The following RFX2 variants were observed in gnomAD, a reference collection of about 807,000 sequenced individuals.
RFX2 encodes regulatory factor X2.
RFX2 carries 20 observed loss-of-function variants against 87.8 expected under a neutral mutation model. That is an observed-to-expected ratio of 0.23 (90% CI 0.16 to 0.33). The LOEUF (loss-of-function observed/expected upper bound fraction) is 0.33. Among genes scored for constraint, RFX2 ranks in the 10% least tolerant of loss-of-function variants. The pLI, the probability that RFX2 is intolerant of heterozygous loss-of-function variation, is 1.00. For synonymous variants in RFX2, 397 were observed against 431.3 expected, an observed-to-expected ratio of 0.92 and a Z score of 0.98; for missense variants, 767 against 1,012.3, an observed-to-expected ratio of 0.76 and a Z score of 3.29.
At chr19:6,100,131 A>T (rs1289333431) in intron 1 of RFX2, among the ~76,000 whole-genome samples, 1 of 152,206 alleles carries the variant, frequency 6.6e-6, no homozygotes, top group Non-Finnish European at 1.5e-5. Flanking sequence ...GAAGAGTAGG[A>T]TTTTCTTCAG....
In RFX2 at chr19:6,044,130, G is replaced by T; in HGVS notation, c.180+63C>A. The T allele has an allele frequency of 1.1e-6, 1 of 940,814 alleles. No homozygotes were observed. The highest frequency in any genetic ancestry group is 1.5e-6 in the Non-Finnish European group (1 of 688,474). 58.3% of individuals were successfully genotyped at this position (940,814 alleles called of 1,614,324 possible). A position where few individuals can be genotyped will look rare whatever the true frequency, so the allele number is the denominator to read the frequency against. ...GAAAAGGATGCATCCTTCAGAGATT[G>T]TTCTGGATTGCTGAGTGCTAACTGC... is the stretch of plus-strand genomic sequence containing the variant. On this transcript the variant is annotated intron_variant, in intron 3 of 17. Coordinates refer to ENST00000303657, the MANE Select transcript of RFX2 (RefSeq NM_000635.4). The surrounding 1 kb of genome is among the most constrained non-coding windows in gnomAD (Gnocchi z 5.3).
At position 6,024,940 on chromosome 19, in the gene RFX2, G is replaced by A. The variant is rs1196166215; in HGVS notation, c.597+1223C>T. On this transcript the variant is annotated intron_variant, in intron 6 of 17. Transcript: ENST00000303657. The surrounding 1 kb of genome is among the most constrained non-coding windows in gnomAD (Gnocchi z 5.0). ...TCACGGTGAGGACGGGAGTCAGGACGGGATCACGGTGAGGACGGGAGTCAG... is the reference window on the plus strand; with the variant it reads ...TCACGGTGAGGACGGGAGTCAGGACAGGATCACGGTGAGGACGGGAGTCAG... Among the ~76,000 whole-genome samples, 1 of 151,748 alleles carries A rather than the reference G, an allele frequency of 6.6e-6. No homozygotes were observed. Among genetic ancestry groups the A allele is most frequent in the East Asian group, 1.9e-4 (1 of 5,154 alleles).
rs1225722696 is a variant in RFX2, at chr19:6,074,726, T to C, written c.-8-27222A>G. 6.6e-6 allele frequency among the ~76,000 whole-genome samples: 1 copy of C among 152,108 alleles called. No individual in the cohort carries two copies. The highest frequency in any genetic ancestry group is 1.5e-5 in the Non-Finnish European group (1 of 68,008). ...ATGGGCCAGGGGCAACAAGGTGACCTGGGGCAGTGACAGGACAGAGGCAGA... is the reference window on the plus strand; with the variant it reads ...ATGGGCCAGGGGCAACAAGGTGACCCGGGGCAGTGACAGGACAGAGGCAGA... On this transcript the variant is annotated intron_variant, in intron 1 of 17. Transcript: ENST00000303657. This position sits in a 1 kb window ranked among gnomAD's most constrained non-coding sequence, Gnocchi z 5.2.
rs2087664763 is a variant in RFX2 at position 6,074,739 on chromosome 19, G to A, written c.-8-27235C>T. 6.6e-6 allele frequency among the ~76,000 whole-genome samples: 1 copy of A among 152,222 alleles called. No individual in the cohort carries two copies. The highest frequency in any genetic ancestry group is 2.4e-5 in the African/African-American group (1 of 41,466). Reference sequence around the variant, plus strand: ...AACAAGGTGACCTGGGGCAGTGACAGGACAGAGGCAGAGTGAGGTGAGGAA... The same window carrying A: ...AACAAGGTGACCTGGGGCAGTGACAAGACAGAGGCAGAGTGAGGTGAGGAA... On this transcript the variant is annotated intron_variant, in intron 1 of 17. Coordinates refer to ENST00000303657, the MANE Select transcript of RFX2 (RefSeq NM_000635.4). This position sits in a 1 kb window ranked among gnomAD's most constrained non-coding sequence, Gnocchi z 5.2.
rs2087164067 is a variant in RFX2, at chr19:6,044,702, T to TA, written c.91-421_91-420insT. ...TACAGAGGGGACTGCTGGGGCCCTCTGGATAGCCATCCGCACCACTGCGTG... is the reference window on the plus strand; with the variant it reads ...TACAGAGGGGACTGCTGGGGCCCTCTAGGATAGCCATCCGCACCACTGCGTG... On this transcript the variant is annotated intron_variant, in intron 2 of 17. Transcript: ENST00000303657. This position sits in a 1 kb window ranked among gnomAD's most constrained non-coding sequence, Gnocchi z 5.3. Among the ~76,000 whole-genome samples, 4 of 152,240 alleles carry TA rather than the reference T, an allele frequency of 2.6e-5. No homozygotes were observed. In the South Asian group the frequency reaches 8.3e-4, roughly 31 times the overall value.
At chr19:6,079,600 C>G (rs1486737151) in intron 1 of RFX2, among the ~76,000 whole-genome samples, 1 of 152,090 alleles carries the variant, frequency 6.6e-6, no homozygotes, top group Non-Finnish European at 1.5e-5. Flanking sequence ...AGAATCTGTG[C>G]AAGTGGGCTG....
At position 6,009,972 on chromosome 19, in the gene RFX2, CA is replaced by C. The variant is rs765093061; in HGVS notation, c.1015+163del. ...GATTATTCTAAAGTCTCAGGGATGT[CA>C]GAAAGAAGGTTTATCGAAAACTTTC... On this transcript the variant is annotated intron_variant, in intron 9 of 17. Coordinates refer to ENST00000303657, the MANE Select transcript of RFX2 (RefSeq NM_000635.4). Among the ~76,000 whole-genome samples the C allele has an allele frequency of 7.7e-4, 118 of 152,344 alleles. 1 individual carries two copies. Among genetic ancestry groups the C allele is most frequent in the Non-Finnish European group, 1.4e-3 (93 of 68,032 alleles).
chr19:6,060,099 G>A (rs894685408), intron 1 of RFX2, among the ~76,000 whole-genome samples: 55 of 151,812 alleles, frequency 3.6e-4, no homozygotes, highest in Non-Finnish European at 1.0e-4. Context: ...TTCTGACACC[G>A]CCTCTGCACC....
chr19:6,081,367 A>G (rs2087782054), intron 1 of RFX2, among the ~76,000 whole-genome samples: 1 of 152,248 alleles, frequency 6.6e-6, no homozygotes, highest in African/African-American at 2.4e-5. Flanking sequence ...TTATGCTTCT[A>G]AGACCTGTCT....
chr19:6,087,743 C>A (rs1175130376), intron 1 of RFX2, among the ~76,000 whole-genome samples: 1 of 152,136 alleles, frequency 6.6e-6, no homozygotes, highest in East Asian at 1.9e-4. Flanking sequence ...GGTTTCAGCT[C>A]CAAATCAAAG....
At chr19:6,036,221 T>A (rs1010181035) in intron 5 of RFX2, among the ~76,000 whole-genome samples, 1 of 152,178 alleles carries the variant, frequency 6.6e-6, no homozygotes, top group Non-Finnish European at 1.5e-5. Flanking sequence ...GGGAGAAGTA[T>A]GTCTGGTCTG....
chr19:6,041,717 C>T (rs748079211), intron 4 of RFX2, among the ~76,000 whole-genome samples: 11 of 151,714 alleles, frequency 7.3e-5, no homozygotes, highest in Admixed American at 3.9e-4. Flanking sequence ...GCTCCCACCC[C>T]GCTCCTTTTT....
At position 6,016,729 on chromosome 19, in the gene RFX2, A is replaced by C. The variant is rs1357819107; in HGVS notation, c.598-458T>G. Among the ~76,000 whole-genome samples, 3 of 152,212 alleles carry C rather than the reference A, an allele frequency of 2.0e-5. No individual in the cohort carries two copies. The highest frequency in any genetic ancestry group is 7.2e-5 in the African/African-American group (3 of 41,462). Reference sequence around the variant, plus strand: ...TATGGTCACTGATTTGAGTTCTCTAAGCAGATTAATGAATCCCTCATTTTC... The same window carrying C: ...TATGGTCACTGATTTGAGTTCTCTACGCAGATTAATGAATCCCTCATTTTC... On this transcript the variant is annotated intron_variant, in intron 6 of 17. Coordinates refer to ENST00000303657, the MANE Select transcript of RFX2 (RefSeq NM_000635.4). The surrounding 1 kb of genome is among the most constrained non-coding windows in gnomAD (Gnocchi z 5.4).
Position 6,020,571 on chromosome 19 carries a change from G to A in RFX2, c.598-4300C>T, listed in dbSNP as rs541048981. Among the ~76,000 whole-genome samples, 17 of 152,290 alleles carry A rather than the reference G, an allele frequency of 1.1e-4. No homozygotes were observed. The highest frequency in any genetic ancestry group is 2.1e-4 in the Non-Finnish European group (14 of 68,032). The stretch of plus-strand genomic sequence containing the variant: ...TATGCACCGGGCCTTCCCATCCCTC[G>A]GTGCTGGAGCCCACACCTGGCGGCA... On this transcript the variant is annotated intron_variant, in intron 6 of 17. Coordinates refer to ENST00000303657, the MANE Select transcript of RFX2 (RefSeq NM_000635.4). This position sits in a 1 kb window ranked among gnomAD's most constrained non-coding sequence, Gnocchi z 5.3.
chr19:6,035,850 G>GGGGGGTGTGT (rs1555776252), intron 5 of RFX2, among the ~76,000 whole-genome samples: 6 of 137,166 alleles, frequency 4.4e-5, no homozygotes, highest in African/African-American at 1.8e-4. Context: ...CTTGGTGGGG[G>GGGGGGTGTGT]GTGTGTGTGT....
At chr19:6,073,791 T>C (rs2087643036) in intron 1 of RFX2, among the ~76,000 whole-genome samples, 1 of 152,212 alleles carries the variant, frequency 6.6e-6, no homozygotes, top group Non-Finnish European at 1.5e-5. Flanking sequence ...TGAGGTTGAA[T>C]GCGGACGGCT....
chr19:6,054,107 T>C (rs2087300020), intron 1 of RFX2, among the ~76,000 whole-genome samples: 2 of 151,974 alleles, frequency 1.3e-5, no homozygotes. Context: ...AAAATGATAA[T>C]AGAGAACTAT....
Position 6,013,516 on chromosome 19 carries a change from AG to A in RFX2, c.780-412del, listed in dbSNP as rs1368536168. On this transcript the variant is annotated intron_variant, in intron 7 of 17. Coordinates refer to ENST00000303657, the MANE Select transcript of RFX2 (RefSeq NM_000635.4). This position sits in a 1 kb window ranked among gnomAD's most constrained non-coding sequence, Gnocchi z 4.1. ...TCTCTTTTTTTTTTTTTTCAGAAAC[AG>A]GGTCTCACTCTGTCACCCAGGCTGG... is the stretch of plus-strand genomic sequence containing the variant. Among the ~76,000 whole-genome samples, 2 of 148,048 alleles carry A rather than the reference AG, an allele frequency of 1.4e-5. No homozygotes were observed. Among genetic ancestry groups the A allele is most frequent in the Non-Finnish European group, 3.0e-5 (2 of 67,378 alleles).
At chr19:6,029,548 A>G (rs2086930745) in intron 5 of RFX2, among the ~76,000 whole-genome samples, 1 of 152,076 alleles carries the variant, frequency 6.6e-6, no homozygotes, top group Non-Finnish European at 1.5e-5. Flanking sequence ...GTCTCTACTA[A>G]AAATACAAAA....
Sources: gnomAD v4.1 joint callset for allele counts (sites outside exome capture counted in the v4.1 genomes callset) on GRCh38, gnomAD v4.1.1 for gene constraint, Gnocchi (gnomAD v3.1) non-coding constraint, MANE v1.5 for transcripts, NCBI Gene and HGNC (gene_info 2026-07-23, HGNC 2026-07-21) for gene names.